EPB41L5: variants seen among roughly 807,000 people sequenced by gnomAD.
EPB41L5 encodes erythrocyte membrane protein band 4.1 like 5.
In EPB41L5, 55 loss-of-function variants were observed where a neutral mutation model predicts 106.6. The ratio of observed to expected loss-of-function variants is 0.52; its 90% confidence interval spans 0.42 to 0.65. EPB41L5 has a LOEUF of 0.65. Ranked by LOEUF, EPB41L5 falls within the 30% of genes least tolerant of loss-of-function variation. The pLI, the probability that EPB41L5 is intolerant of heterozygous loss-of-function variation, is 0.00. For missense variants in EPB41L5, 871 were observed against 882.1 expected, an observed-to-expected ratio of 0.99 and a Z score of 0.16; for synonymous variants, 297 against 306.7, an observed-to-expected ratio of 0.97 and a Z score of 0.33.
chr2:120,131,723 G>T lies in EPB41L5; in HGVS notation c.1599+8G>T. The stretch of plus-strand genomic sequence containing the variant: ...GTTAACATAAACAGCCAGGTATTCA[G>T]ATTTCCCCTGTGTATACCTGTTACA... On this transcript the variant is annotated splice_region_variant and intron_variant, in intron 18 of 24. Transcript: ENST00000263713. 1 of 1,598,550 alleles carries T rather than the reference G, an allele frequency of 6.3e-7. No individual in the cohort carries two copies. The highest frequency in any genetic ancestry group is 1.1e-5 in the South Asian group (1 of 90,752).
intron 19 of EPB41L5, among the ~76,000 whole-genome samples, chr2:120,143,467 A>C (rs1334890037): frequency 6.6e-6 from 1 of 152,202 alleles, no homozygotes; most frequent in African/African-American, 2.4e-5. Context: ...TTATGTAATT[A>C]GCAAAAAGAG....
At chr2:120,158,260 A>T (rs1407176958) in intron 20 of EPB41L5, among the ~76,000 whole-genome samples, 1 of 152,250 alleles carries the variant, frequency 6.6e-6, no homozygotes, top group Non-Finnish European at 1.5e-5. Context: ...AGCCAGCATC[A>T]TCCTGATACG....
intron 2 of EPB41L5, among the ~76,000 whole-genome samples, chr2:120,021,596 G>A (rs1026568582): frequency 2.0e-4 from 30 of 152,154 alleles, no homozygotes; most frequent in Admixed American, 4.6e-4. Context: ...AGCTGAATTC[G>A]CACCACTGCA....
intron 16 of EPB41L5, chr2:120,106,819 C>T (rs1207428769): frequency 3.0e-6 from 3 of 985,184 alleles, no homozygotes; most frequent in Non-Finnish European, 3.6e-6. Context: ...GTTTACCTAT[C>T]TTGGAGTAAG....
chr2:120,061,638 C>T (rs1041335276), intron 3 of EPB41L5, among the ~76,000 whole-genome samples: 1 of 152,134 alleles, frequency 6.6e-6, no homozygotes, highest in Non-Finnish European at 1.5e-5. Flanking sequence ...AGGCATGAGC[C>T]ACCACACCCG....
chr2:120,150,723 A>T (rs538900277), intron 20 of EPB41L5, among the ~76,000 whole-genome samples: 87 of 152,012 alleles, frequency 5.7e-4, no homozygotes, highest in East Asian at 2.9e-3. Flanking sequence ...TTTATTGTTG[A>T]ATTGTAGGAG....
chr2:120,049,683 T>C (rs1013812833), intron 3 of EPB41L5, among the ~76,000 whole-genome samples: 3 of 152,214 alleles, frequency 2.0e-5, no homozygotes, highest in Non-Finnish European at 4.4e-5. Flanking sequence ...AATATTGCCA[T>C]GTGTGAATTT....
At chr2:120,145,694 C>T (rs917051510) in intron 19 of EPB41L5, among the ~76,000 whole-genome samples, 2 of 152,144 alleles carry the variant, frequency 1.3e-5, no homozygotes, top group Non-Finnish European at 2.9e-5. Context: ...CCTGTAATCC[C>T]ACCACCTTGG....
intron 16 of EPB41L5, among the ~76,000 whole-genome samples, chr2:120,110,043 G>A (rs527663570): frequency 2.6e-5 from 4 of 152,326 alleles, no homozygotes; most frequent in African/African-American, 9.6e-5. Context: ...TCTTTTCAGA[G>A]GAGCATTGTT....
At chr2:120,121,028 A>G (rs911712461) in intron 16 of EPB41L5, among the ~76,000 whole-genome samples, 2 of 152,078 alleles carry the variant, frequency 1.3e-5, no homozygotes, top group African/African-American at 4.8e-5. Flanking sequence ...AAGGCAGGAG[A>G]ATCGCCCAAA....
At chr2:120,088,621 C>G (rs1574638322) in intron 11 of EPB41L5, among the ~76,000 whole-genome samples, 1 of 152,178 alleles carries the variant, frequency 6.6e-6, no homozygotes, top group Non-Finnish European at 1.5e-5. Context: ...GAGTGCTGCT[C>G]TGAACACTAA....
rs57881950 is a variant in EPB41L5, at chr2:120,148,812, G to A, written c.1793+2523G>A. On this transcript the variant is annotated intron_variant, in intron 20 of 24. Coordinates refer to ENST00000263713, the MANE Select transcript of EPB41L5 (RefSeq NM_020909.4). ...TTAGCTATTGTGAACAAAGCTAGAC[G>A]TGAATATTTGCATACAAATTTTTTT... Among the ~76,000 whole-genome samples the A allele has an allele frequency of 5.3e-3, 808 of 152,198 alleles. 4 individuals carry two copies. The highest frequency in any genetic ancestry group is 0.018 in the African/African-American group (751 of 41,518).
intron 14 of EPB41L5, 136 bp from the exon 15 acceptor site, chr2:120,100,108 G>T (rs1178965135): frequency 1.6e-6 from 1 of 637,590 alleles, no homozygotes; most frequent in African/African-American, 1.8e-5. Flanking sequence ...GGTACTAGCA[G>T]TAGTTTTATT....
chr2:120,032,870 G>C (rs1191385723), intron 2 of EPB41L5, among the ~76,000 whole-genome samples: 3 of 152,194 alleles, frequency 2.0e-5, no homozygotes, highest in African/African-American at 7.2e-5. Context: ...AGAACCTTGT[G>C]ATTGCTTGAG....
chr2:120,018,192 C>T (rs1324046346), intron 1 of EPB41L5, among the ~76,000 whole-genome samples: 2 of 151,904 alleles, frequency 1.3e-5, no homozygotes, highest in East Asian at 1.9e-4. Flanking sequence ...TGGTCTCGAT[C>T]TCCTGACCTC....
At chr2:120,113,725 T>C (rs1464820522) in intron 16 of EPB41L5, among the ~76,000 whole-genome samples, 1 of 152,208 alleles carries the variant, frequency 6.6e-6, no homozygotes, top group Non-Finnish European at 1.5e-5. Context: ...TTCTATAGAT[T>C]TGCCCATTCT....
Position 120,105,708 on chromosome 2 carries a change from C to T in EPB41L5, c.1337+4894C>T, listed in dbSNP as rs752218087. ...AGCCCGGCTCCCACCTCTTTAAGCC[C>T]ATCATCGTTTAGCAAGCTTAAAAAT... On this transcript the variant is annotated intron_variant, in intron 16 of 24. Coordinates refer to ENST00000263713, the MANE Select transcript of EPB41L5 (RefSeq NM_020909.4). 1.0e-4 allele frequency: 102 copies of T among 985,232 alleles called. 1 individual carries two copies. The highest frequency in any genetic ancestry group is 1.2e-4 in the Non-Finnish European group (100 of 829,914). The allele number at this position is 985,232 out of a possible 1,614,324, so 61.0% of individuals were successfully genotyped here. A position where few individuals can be genotyped will look rare whatever the true frequency, so the allele number is the denominator to read the frequency against.
At chr2:120,079,506 C>A (rs1175845996) in intron 10 of EPB41L5, among the ~76,000 whole-genome samples, 3 of 152,150 alleles carry the variant, frequency 2.0e-5, no homozygotes, top group Non-Finnish European at 4.4e-5. Context: ...TCCTCCCCAT[C>A]TGGTGGTAGC....
chr2:120,078,114 A>G (rs78684689), intron 9 of EPB41L5, among the ~76,000 whole-genome samples: 4,906 of 152,242 alleles, frequency 0.032, 265 homozygotes, highest in African/African-American at 0.11. Context: ...TGGGGATTAC[A>G]ATATGACACA....
Sources: allele counts gnomAD v4.1 joint callset (sites outside exome capture counted in the v4.1 genomes callset), GRCh38; gene constraint gnomAD v4.1.1; transcripts MANE v1.5; gene names NCBI Gene and HGNC (gene_info 2026-07-23, HGNC 2026-07-21).